CDH11: variants seen among roughly 807,000 people sequenced by gnomAD.
CDH11 encodes the protein cadherin-11.
Under a neutral mutation model 67.8 loss-of-function variants are expected in CDH11, and 11 were observed. That is an observed-to-expected ratio of 0.16 (90% CI 0.10 to 0.27). The LOEUF (loss-of-function observed/expected upper bound fraction) is 0.27. CDH11 is among the 10% of genes least tolerant of loss of function. The probability of loss-of-function intolerance (pLI) is 1.00; values close to 1 mark genes in which losing one functional copy is unlikely to be tolerated. For missense variants in CDH11, 847 were observed against 1,031.2 expected, an observed-to-expected ratio of 0.82 and a Z score of 2.45; for synonymous variants, 419 against 400.0, an observed-to-expected ratio of 1.05 and a Z score of -0.57.
chr16:65,102,249 C>A (rs1408435226), intron 1 of CDH11, among the ~76,000 whole-genome samples: 1 of 152,166 alleles, frequency 6.6e-6, no homozygotes, highest in African/African-American at 2.4e-5. Flanking sequence ...TGTTGAAAAT[C>A]CATTTCTGCA....
chr16:65,111,302 C>A (rs1173303599), intron 1 of CDH11, among the ~76,000 whole-genome samples: 1 of 152,160 alleles, frequency 6.6e-6, no homozygotes, highest in Admixed American at 6.5e-5. Flanking sequence ...CAGATACTGA[C>A]ATTAACCCCA....
intron 7 of CDH11, 58 bp downstream of exon 7, chr16:64,988,099 G>T: frequency 7.3e-7 from 1 of 1,366,088 alleles, no homozygotes; most frequent in Non-Finnish European, 9.9e-7. Flanking sequence ...TTCTTGCAGT[G>T]TTGCCTTGGC....
rs149759617 is a variant in CDH11, at chr16:65,121,219, T to A, written c.-298+661A>T. On this transcript the variant is annotated intron_variant, in intron 1 of 12. Transcript: ENST00000268603. This position sits in a 1 kb window ranked among gnomAD's most constrained non-coding sequence, Gnocchi z 4.1. ...CGGGCGCCAGAGCTCCCGCAGAGAC[T>A]CGGGCTGGAGGGCTGTAGCGCACCG... 6.6e-6 allele frequency among the ~76,000 whole-genome samples: 1 copy of A among 152,144 alleles called. No homozygotes were observed. Among genetic ancestry groups the A allele is most frequent in the African/African-American group, 2.4e-5 (1 of 41,432 alleles).
chr16:65,095,599 T>C (rs1000536520), intron 1 of CDH11, among the ~76,000 whole-genome samples: 2 of 152,150 alleles, frequency 1.3e-5, no homozygotes, highest in Non-Finnish European at 2.9e-5. Flanking sequence ...AAGGGCCTGA[T>C]TCAACCAGTT....
At chr16:65,026,430 T>C (rs905033020) in intron 2 of CDH11, among the ~76,000 whole-genome samples, 1 of 152,166 alleles carries the variant, frequency 6.6e-6, no homozygotes, top group African/African-American at 2.4e-5. Context: ...CCATTTGACA[T>C]TGAACCAAGA....
At chr16:65,005,816 C>G (rs1373316333) in intron 2 of CDH11, among the ~76,000 whole-genome samples, 2 of 152,300 alleles carry the variant, frequency 1.3e-5, no homozygotes, top group Middle Eastern at 3.4e-3. Flanking sequence ...CTTTCACTAA[C>G]TAGGAGAAGG....
intron 11 of CDH11, 129 bp downstream of exon 11, chr16:64,971,450 A>T (rs543742223): frequency 8.1e-6 from 5 of 616,176 alleles, no homozygotes; most frequent in Non-Finnish European, 1.4e-5. Flanking sequence ...AGGTGGCATT[A>T]TTATTTCCGG....
In CDH11 at chr16:64,991,755, T is replaced by C. The variant is rs35196; in HGVS notation, c.811+13A>G. The C allele has an allele frequency of 0.91, 1,453,796 of 1,598,142 alleles. 661,722 individuals carry two copies. The highest frequency in any genetic ancestry group is 1 in the East Asian group (44,630 of 44,644). On this transcript the variant is annotated intron_variant, in intron 6 of 12. Transcript: ENST00000268603. Reference sequence around the variant, plus strand: ...TCACCATGGAAAAGTGAAAGCCAAGTCCACCTACTTACTCTGCGGAAACTT... The same window carrying C: ...TCACCATGGAAAAGTGAAAGCCAAGCCCACCTACTTACTCTGCGGAAACTT...
At chr16:64,973,960 T>C (rs1440383734) in intron 8 of CDH11, among the ~76,000 whole-genome samples, 2 of 152,186 alleles carry the variant, frequency 1.3e-5, no homozygotes, top group Non-Finnish European at 2.9e-5. Flanking sequence ...CATTTTCCCA[T>C]ATTTTAATGA....
At chr16:64,948,127 A>C in intron 12 of CDH11, 28 bp from the exon 13 acceptor site, 1 of 1,597,010 alleles carries the variant, frequency 6.3e-7, no homozygotes, top group Non-Finnish European at 8.5e-7. Context: ...GAAGGTAAGC[A>C]TTCGTTAAGT....
At chr16:65,052,989 T>C (rs1056433964) in intron 2 of CDH11, among the ~76,000 whole-genome samples, 3 of 152,122 alleles carry the variant, frequency 2.0e-5, no homozygotes, top group Non-Finnish European at 4.4e-5. Context: ...ATTACAGGAA[T>C]GTGGGACCCA....
At position 65,004,938 on chromosome 16, in the gene CDH11, C is replaced by T. The variant is rs927790890; in HGVS notation, c.-69G>A. Reference sequence around the variant, plus strand: ...TTCCACCAACTGTACGGTGGTCTTGCTGAGGGTGGCCTCCCGGACGCGTCA... The same window carrying T: ...TTCCACCAACTGTACGGTGGTCTTGTTGAGGGTGGCCTCCCGGACGCGTCA... On this transcript the variant is annotated 5_prime_UTR_variant, in exon 3 of 13. Coordinates refer to ENST00000268603, the MANE Select transcript of CDH11 (RefSeq NM_001797.4). 1 of 1,445,186 alleles carries T rather than the reference C, an allele frequency of 6.9e-7. No homozygotes were observed. The highest frequency in any genetic ancestry group is 1.4e-5 in the African/African-American group (1 of 69,532). 89.5% of individuals were successfully genotyped at this position (1,445,186 alleles called of 1,614,324 possible). A position where few individuals can be genotyped will look rare whatever the true frequency, so the allele number is the denominator to read the frequency against.
chr16:65,097,427 G>T (rs367862100), intron 1 of CDH11, among the ~76,000 whole-genome samples: 12 of 152,170 alleles, frequency 7.9e-5, no homozygotes, highest in African/African-American at 2.4e-4. Flanking sequence ...CTAGGGTAGG[G>T]CTTGTCAGCC....
At chr16:65,067,195 G>T (rs1299858291) in intron 1 of CDH11, among the ~76,000 whole-genome samples, 3 of 129,024 alleles carry the variant, frequency 2.3e-5, no homozygotes, top group Admixed American at 2.3e-4. Flanking sequence ...AGAGTCAACA[G>T]GAAAAAAAAA....
At chr16:65,009,429 T>C (rs2073130762) in intron 2 of CDH11, among the ~76,000 whole-genome samples, 1 of 152,172 alleles carries the variant, frequency 6.6e-6, no homozygotes, top group Non-Finnish European at 1.5e-5. Context: ...AATTTCTAAA[T>C]GTGTAGGTTA....
chr16:65,033,795 A>G (rs139888572), intron 2 of CDH11, among the ~76,000 whole-genome samples: 327 of 143,230 alleles, frequency 2.3e-3, no homozygotes, highest in Non-Finnish European at 3.7e-3. Flanking sequence ...GTGAGGGTCT[A>G]TGGACTTGAA....
chr16:64,993,434 C>G (rs978770064), intron 4 of CDH11, among the ~76,000 whole-genome samples: 2 of 152,072 alleles, frequency 1.3e-5, no homozygotes, highest in Non-Finnish European at 2.9e-5. Flanking sequence ...CGATAAATTG[C>G]TTTCAGGAAA....
intron 12 of CDH11, among the ~76,000 whole-genome samples, chr16:64,950,129 G>A (rs181966827): frequency 8.5e-5 from 13 of 152,302 alleles, no homozygotes; most frequent in African/African-American, 3.1e-4. Flanking sequence ...CTGAGTACCA[G>A]CACATGGCTT....
At chr16:65,066,681 C>A (rs1405473957) in intron 1 of CDH11, among the ~76,000 whole-genome samples, 1 of 152,240 alleles carries the variant, frequency 6.6e-6, no homozygotes, top group Non-Finnish European at 1.5e-5. Flanking sequence ...CTTACAACCA[C>A]CTTTATCAGT....
Sources: allele counts gnomAD v4.1 joint callset (sites outside exome capture counted in the v4.1 genomes callset), GRCh38; gene constraint gnomAD v4.1.1; non-coding constraint Gnocchi (gnomAD v3.1); transcripts MANE v1.5; gene names NCBI Gene and HGNC (gene_info 2026-07-23, HGNC 2026-07-21).